The following FANCB variants were observed in gnomAD, a reference collection of about 807,000 sequenced individuals.
FANCB encodes the protein Fanconi anemia group B protein.
FANCB carries 5 observed loss-of-function variants against 38.9 expected under a neutral mutation model. The ratio of observed to expected loss-of-function variants is 0.13; its 90% confidence interval spans 0.07 to 0.27. FANCB has a LOEUF of 0.27. Among genes scored for constraint, FANCB ranks in the 10% least tolerant of loss-of-function variants. The pLI is 1.00. For synonymous variants in FANCB, 236 were observed against 215.4 expected, an observed-to-expected ratio of 1.10 and a Z score of -0.84; for missense variants, 573 against 602.7, an observed-to-expected ratio of 0.95 and a Z score of 0.52.
chrX:14,850,451 G>A lies in FANCB; in HGVS notation c.1496+54C>T, dbSNP rs2092396159. 4 of 942,960 alleles carry A rather than the reference G, an allele frequency of 4.2e-6. No individual in the cohort carries two copies. The Middle Eastern group carries it at 8.6e-4, about 204-fold the overall frequency. 77.7% of individuals were successfully genotyped at this position (942,960 alleles called of 1,213,427 possible). On this transcript the variant is annotated intron_variant, in intron 7 of 9. Transcript: ENST00000650831. ...ACGTGGCTTACATTAATTTCTATTG[G>A]ACAGTACTGTTCTGGAGCATCAAGA...
At chrX:14,842,975 T>C (rs1260462012), downstream of FANCB, among the ~76,000 whole-genome samples, 3 of 112,181 alleles carry the variant, frequency 2.7e-5, no homozygotes, top group Admixed American at 9.4e-5. Context: ...TTTAAATTTC[T>C]GTAGGAGAAA....
the FANCB span, among the ~76,000 whole-genome samples, chrX:14,778,716 T>TGAGTTTA: frequency 8.9e-6 from 1 of 112,329 alleles, no homozygotes; most frequent in African/African-American, 3.2e-5. Flanking sequence ...TCTAAGACTA[T>TGAGTTTA]GAGTTTAGTC....
chrX:14,749,215 C>T, the FANCB span, among the ~76,000 whole-genome samples: 1 of 111,772 alleles, frequency 8.9e-6, no homozygotes, highest in African/African-American at 3.2e-5. Context: ...AACCAAGGAA[C>T]ATTTGTGTGA....
the FANCB span, among the ~76,000 whole-genome samples, chrX:14,810,999 G>A: frequency 9.0e-6 from 1 of 111,722 alleles, no homozygotes; most frequent in Admixed American, 9.5e-5. Flanking sequence ...AGAAGAAAGT[G>A]GGGGCCAATA....
At chrX:14,779,454 C>G in the FANCB span, among the ~76,000 whole-genome samples, 1 of 111,493 alleles carries the variant, frequency 9.0e-6, no homozygotes, top group African/African-American at 3.3e-5. Context: ...ATTATTAAGC[C>G]ATGAGGGCTC....
the FANCB span, among the ~76,000 whole-genome samples, chrX:14,780,100 T>C: frequency 9.0e-6 from 1 of 110,958 alleles, no homozygotes; most frequent in African/African-American, 3.4e-5. Flanking sequence ...ACTATGATTA[T>C]AACCAAACCA....
At chrX:14,757,961 C>T in the FANCB span, among the ~76,000 whole-genome samples, 1 of 111,511 alleles carries the variant, frequency 9.0e-6, no homozygotes, top group African/African-American at 3.3e-5. Context: ...TAGCCTGGGG[C>T]AAGTTCTCAG....
chrX:14,766,680 T>C, the FANCB span, among the ~76,000 whole-genome samples: 1 of 111,126 alleles, frequency 9.0e-6, no homozygotes, highest in African/African-American at 3.3e-5. Context: ...TCTTTTTTTT[T>C]TAAATTTTCT....
the FANCB span, among the ~76,000 whole-genome samples, chrX:14,714,869 A>C: frequency 8.9e-6 from 1 of 112,241 alleles, no homozygotes; most frequent in Non-Finnish European, 1.9e-5. Context: ...CTATAGATTT[A>C]CAGGGATTTT....
At chrX:14,789,776 C>T in the FANCB span, among the ~76,000 whole-genome samples, 1 of 111,702 alleles carries the variant, frequency 9.0e-6, no homozygotes, top group Admixed American at 9.5e-5. Context: ...TTATGTCATG[C>T]TAATCAGAGG....
the FANCB span, among the ~76,000 whole-genome samples, chrX:14,729,020 A>G: frequency 8.9e-6 from 1 of 112,493 alleles, no homozygotes; most frequent in Non-Finnish European, 1.9e-5. Flanking sequence ...TCATTTAAGT[A>G]CACAAGGTAC....
chrX:14,810,683 C>T, the FANCB span, among the ~76,000 whole-genome samples: 1 of 110,941 alleles, frequency 9.0e-6, no homozygotes, highest in African/African-American at 3.3e-5. Context: ...ACCAAATCTA[C>T]GTCTGATTGG....
chrX:14,698,651 C>A, the FANCB span, among the ~76,000 whole-genome samples: 1 of 88,690 alleles, frequency 1.1e-5, no homozygotes, highest in Middle Eastern at 7.8e-3. Flanking sequence ...GTACTCCAGC[C>A]TGGGCGACAG....
At chrX:14,757,446 C>T in the FANCB span, among the ~76,000 whole-genome samples, 1 of 111,705 alleles carries the variant, frequency 9.0e-6, no homozygotes, top group African/African-American at 3.3e-5. Flanking sequence ...AAAGCCAAGA[C>T]ACTCCACAGA....
chrX:14,724,080 C>T, the FANCB span, among the ~76,000 whole-genome samples: 1 of 111,677 alleles, frequency 9.0e-6, no homozygotes, highest in Non-Finnish European at 1.9e-5. Flanking sequence ...AAGTCTCTTA[C>T]CTTAACTGTT....
At chrX:14,824,347 ATAAAG>A in the FANCB span, among the ~76,000 whole-genome samples, 1 of 112,069 alleles carries the variant, frequency 8.9e-6, no homozygotes, top group Admixed American at 9.4e-5. Context: ...CAATGGAAAC[ATAAAG>A]TATTTACTCT....
At chrX:14,739,259 CTA>C in the FANCB span, among the ~76,000 whole-genome samples, 1 of 111,805 alleles carries the variant, frequency 8.9e-6, no homozygotes, top group East Asian at 2.8e-4. Context: ...TGTTTAATGC[CTA>C]TGACAGCATT....
chrX:14,692,149 G>A, the FANCB span, among the ~76,000 whole-genome samples: 1 of 112,107 alleles, frequency 8.9e-6, no homozygotes, highest in Non-Finnish European at 1.9e-5. Context: ...TATCCTGTTA[G>A]CTGCCCTGTC....
the FANCB span, among the ~76,000 whole-genome samples, chrX:14,723,304 A>G: frequency 2.7e-5 from 3 of 111,786 alleles, no homozygotes; most frequent in Admixed American, 1.9e-4. Context: ...ACAATTTCCA[A>G]TCCATCTCTA....
Sources: gnomAD v4.1 joint callset for allele counts (sites outside exome capture counted in the v4.1 genomes callset) on GRCh38, gnomAD v4.1.1 for gene constraint, MANE v1.5 for transcripts, NCBI Gene and HGNC (gene_info 2026-07-23, HGNC 2026-07-21) for gene names.